The following NOVA1 variants were observed in gnomAD, a reference collection of about 807,000 sequenced individuals.
NOVA1 encodes the protein RNA-binding protein Nova-1.
In NOVA1, 7 loss-of-function variants were observed where a neutral mutation model predicts 38.0. The ratio of observed to expected loss-of-function variants is 0.18; its 90% CI spans 0.10 to 0.35. The LOEUF (loss-of-function observed/expected upper bound fraction) is 0.35. Ranked by LOEUF, NOVA1 falls within the 10% of genes least tolerant of loss-of-function variation. The pLI is 1.00. For synonymous variants in NOVA1, 270 were observed against 232.5 expected (o/e 1.16, Z -1.47); for missense variants, 460 against 616.0 (o/e 0.75, Z 2.68).
At chr14:26,596,749 T>A in intron 1 of NOVA1, 5 of 1,261,254 alleles carry the variant, frequency 4.0e-6, no homozygotes, top group Non-Finnish European at 5.1e-6. Flanking sequence ...ATGAAATATT[T>A]GCACCGACAA....
intron 4 of NOVA1, among the ~76,000 whole-genome samples, chr14:26,450,236 T>A (rs996675641): frequency 6.6e-6 from 1 of 152,168 alleles, no homozygotes; most frequent in African/African-American, 2.4e-5. Context: ...TCTAATGCTA[T>A]CTTTCAAACA....
chr14:26,548,067 T>C (rs1890909306), intron 2 of NOVA1, among the ~76,000 whole-genome samples: 1 of 151,870 alleles, frequency 6.6e-6, no homozygotes, highest in Admixed American at 6.6e-5. Flanking sequence ...ACAATGGAGT[T>C]ATCTACACTA....
At chr14:26,510,717 CA>C (rs1400690966) in intron 2 of NOVA1, among the ~76,000 whole-genome samples, 2 of 152,106 alleles carry the variant, frequency 1.3e-5, no homozygotes, top group Non-Finnish European at 2.9e-5. Flanking sequence ...GGCATGTGGA[CA>C]AAAGGCTTTA....
At chr14:26,502,184 C>T (rs959870585) in intron 2 of NOVA1, among the ~76,000 whole-genome samples, 16 of 151,398 alleles carry the variant, frequency 1.1e-4, no homozygotes, top group African/African-American at 3.6e-4. Context: ...CTTTACAGAC[C>T]CTGATGTTGG....
At chr14:26,500,687 C>T (rs545763217) in intron 2 of NOVA1, among the ~76,000 whole-genome samples, 12 of 151,996 alleles carry the variant, frequency 7.9e-5, no homozygotes, top group Admixed American at 5.2e-4. Context: ...AAATTCTGAA[C>T]TTATCACTTC....
chr14:26,458,280 G>T (rs1381830354), intron 4 of NOVA1, among the ~76,000 whole-genome samples: 5 of 152,146 alleles, frequency 3.3e-5, no homozygotes, highest in East Asian at 1.9e-4. Context: ...ATTTCTCAAA[G>T]AACTTAAAAC....
chr14:26,462,834 C>T (rs1883798633), intron 4 of NOVA1, among the ~76,000 whole-genome samples: 1 of 152,106 alleles, frequency 6.6e-6, no homozygotes, highest in African/African-American at 2.4e-5. Context: ...ACCTTCTTTC[C>T]CTTAAAACAT....
At chr14:26,461,575 A>T (rs530501102) in intron 4 of NOVA1, among the ~76,000 whole-genome samples, 48 of 152,050 alleles carry the variant, frequency 3.2e-4, no homozygotes, top group Middle Eastern at 3.2e-3. Flanking sequence ...TATGGGCAGG[A>T]AGCACTTATT....
intron 4 of NOVA1, among the ~76,000 whole-genome samples, chr14:26,467,730 T>A (rs1884257649): frequency 6.6e-6 from 1 of 152,136 alleles, no homozygotes; most frequent in Non-Finnish European, 1.5e-5. Context: ...CAGGGAAAAT[T>A]TACCTATAGT....
At chr14:26,520,865 A>C (rs1309883901) in intron 2 of NOVA1, among the ~76,000 whole-genome samples, 1 of 152,100 alleles carries the variant, frequency 6.6e-6, no homozygotes, top group Non-Finnish European at 1.5e-5. Flanking sequence ...TTATCTGAAA[A>C]ACTGAAATGC....
chr14:26,589,955 G>A (rs1232289383), intron 2 of NOVA1, among the ~76,000 whole-genome samples: 4 of 151,780 alleles, frequency 2.6e-5, no homozygotes, highest in Non-Finnish European at 4.4e-5. Flanking sequence ...TGCATGTTGC[G>A]TTTTATACCA....
intron 2 of NOVA1, among the ~76,000 whole-genome samples, chr14:26,572,928 T>C (rs1892581657): frequency 6.6e-6 from 1 of 152,098 alleles, no homozygotes. Flanking sequence ...TATTTTGAAA[T>C]ACATTAAATA....
chr14:26,558,209 C>A lies in NOVA1; in HGVS notation c.280+37201G>T, dbSNP rs534472622. Among the ~76,000 whole-genome samples the A allele has an allele frequency of 2.0e-5, 3 of 151,822 alleles. No individual in the cohort carries two copies. The East Asian group carries it at 5.8e-4, about 29-fold the overall frequency. ...ATATATGAAAACATATAAAAATGTACAACGTAATGAATGAATCCCAAGATA... is the reference window on the plus strand; with the variant it reads ...ATATATGAAAACATATAAAAATGTAAAACGTAATGAATGAATCCCAAGATA... On this transcript the variant is annotated intron_variant, in intron 2 of 4. Transcript: ENST00000539517.
intron 2 of NOVA1, among the ~76,000 whole-genome samples, chr14:26,575,579 A>C (rs1456278398): frequency 6.6e-6 from 1 of 152,106 alleles, no homozygotes; most frequent in Non-Finnish European, 1.5e-5. Context: ...ATAATCCAGG[A>C]AGCCACAACT....
At chr14:26,496,511 G>A (rs977682283) in intron 2 of NOVA1, among the ~76,000 whole-genome samples, 1 of 151,848 alleles carries the variant, frequency 6.6e-6, no homozygotes, top group African/African-American at 2.4e-5. Flanking sequence ...GATCCCATTT[G>A]TCAATTTTGG....
rs150593917 is a variant in NOVA1 at position 26,489,610 on chromosome 14, G to A, written c.281-9467C>T. 2.0e-4 allele frequency among the ~76,000 whole-genome samples: 30 copies of A among 151,988 alleles called. 1 individual carries two copies. In the East Asian group the frequency reaches 5.0e-3, roughly 25 times the overall value. On this transcript the variant is annotated intron_variant, in intron 2 of 4. Transcript: ENST00000539517. ...TTAAAAACTGTACATATACCAAGGC[G>A]AGTGGATGACCTGAAGTCAGGAGTT... is the stretch of plus-strand genomic sequence containing the variant.
chr14:26,472,685 C>A (rs1884683070), intron 3 of NOVA1, among the ~76,000 whole-genome samples: 1 of 151,276 alleles, frequency 6.6e-6, no homozygotes, highest in East Asian at 1.9e-4. Context: ...ATAGTAGTTT[C>A]ATTTCTTTCC....
At chr14:26,521,084 T>C (rs1468537998) in intron 2 of NOVA1, among the ~76,000 whole-genome samples, 1 of 152,038 alleles carries the variant, frequency 6.6e-6, no homozygotes, top group Admixed American at 6.6e-5. Context: ...GTAGATTTGA[T>C]AAATCAGTCA....
At chr14:26,547,923 T>A (rs1310965575) in intron 2 of NOVA1, among the ~76,000 whole-genome samples, 1 of 152,084 alleles carries the variant, frequency 6.6e-6, no homozygotes, top group Non-Finnish European at 1.5e-5. Flanking sequence ...CTCATTACAA[T>A]ATGAGTTTTT....
Sources: allele counts gnomAD v4.1 joint callset (sites outside exome capture counted in the v4.1 genomes callset), GRCh38; gene constraint gnomAD v4.1.1; transcripts MANE v1.5; gene names NCBI Gene and HGNC (gene_info 2026-07-23, HGNC 2026-07-21).